Variants in ADPRHL1 observed in about 807,000 individuals in gnomAD.
The protein encoded by ADPRHL1 is ADP-ribosylhydrolase like 1, also known as inactive ADP-ribosyltransferase ARH2.
A neutral mutation model predicts 44.1 loss-of-function variants in ADPRHL1; 43 were observed. The ratio of observed to expected loss-of-function variants is 0.98; its 90% CI spans 0.76 to 1.26. ADPRHL1 has a LOEUF of 1.26. Ranked by LOEUF, ADPRHL1 falls within the 50% of genes most tolerant of loss-of-function variation. The probability of loss-of-function intolerance (pLI) is 0.00; values close to 1 mark genes in which losing one functional copy is unlikely to be tolerated. For missense variants in ADPRHL1, 2,022 were observed against 2,496.9 expected, an observed-to-expected ratio of 0.81 and a Z score of 4.05; for synonymous variants, 878 against 1,017.4, an observed-to-expected ratio of 0.86 and a Z score of 2.61.
Position 113,406,675 on chromosome 13 carries a change from T to C in ADPRHL1, c.2607A>G (p.Lys869=). 2 of 1,086,488 alleles carry C rather than the reference T, an allele frequency of 1.8e-6. No homozygotes were observed. The allele number at this position is 1,086,488 out of a possible 1,614,324, so 67.3% of individuals were successfully genotyped here. A position where few individuals can be genotyped will look rare whatever the true frequency, so the allele number is the denominator to read the frequency against. ...RLQNMSSGEN[K]PCICGGENVV... ...CATTCTCTCCTCCACAAATACAAGG[T>C]TTGTTTTCACCACTTGACATATTTT... Residue 869 remains lysine (K), a synonymous_variant, in exon 8 of 8, where the codon AAA becomes AAG. Transcript: ENST00000612156.
intron 7 of ADPRHL1, among the ~76,000 whole-genome samples, chr13:113,420,697 C>G (rs1380693747): frequency 6.6e-6 from 1 of 152,044 alleles, no homozygotes; most frequent in Non-Finnish European, 1.5e-5. Context: ...CACAGTTAGT[C>G]CAGTTATTCG....
Position 113,403,639 on chromosome 13 carries a change from C to G in ADPRHL1, c.5643G>C (p.Leu1881=). ...GCTTGGGCTCAGTTGGGCTCTTTCC[C>G]AGCCCCAGGGGAGAGGTGGCAATGC... The part of the protein sequence containing the change: ...GKSIATSPLG[L]GKSPTEPKPE... The change falls in exon 8 of 8, where the codon CTG becomes CTC. Residue 1881 remains leucine (L), a synonymous_variant. Transcript: ENST00000612156. 1 of 1,231,700 alleles carries G rather than the reference C, an allele frequency of 8.1e-7. No homozygotes were observed. Among genetic ancestry groups the G allele is most frequent in the Non-Finnish European group, 1.0e-6 (1 of 987,996 alleles). The allele number at this position is 1,231,700 out of a possible 1,614,324, so 76.3% of individuals were successfully genotyped here.
intron 3 of ADPRHL1, among the ~76,000 whole-genome samples, chr13:113,431,965 C>A (rs2044010467): frequency 6.6e-6 from 1 of 152,200 alleles, no homozygotes; most frequent in Non-Finnish European, 1.5e-5. Flanking sequence ...GATCCGCCTG[C>A]CTTGGCACCC....
At position 113,408,011 on chromosome 13, in the gene ADPRHL1, T is replaced by C; in HGVS notation, c.1271A>G (p.Gln424Arg). ...SHQPQTQEAT[Q>R]RPTRFQLLQA... is the part of the protein sequence containing the mutation. ...CAGGAGCTGGAAGCGCGTGGGCCGC[T>C]GGGTGGCCTCCTGGGTCTGGGGCTG... The change falls in exon 8 of 8, where the codon CAG becomes CGG. Residue 424 changes from glutamine (Q) to arginine (R), a missense_variant. By Grantham distance (43) the Gln-to-Arg change is conservative. Transcript: ENST00000612156. The C allele has an allele frequency of 8.1e-7, 1 of 1,232,848 alleles. No homozygotes were observed. Among genetic ancestry groups the C allele is most frequent in the African/African-American group, 1.5e-5 (1 of 64,560 alleles). The allele number at this position is 1,232,848 out of a possible 1,614,324, so 76.4% of individuals were successfully genotyped here. A position where few individuals can be genotyped will look rare whatever the true frequency, so the allele number is the denominator to read the frequency against.
chr13:113,424,357 G>A lies in ADPRHL1; in HGVS notation c.775-8C>T. ...GCTCCACTTCCTGTAGGTCTGACAA[G>A]AGAGCCGTGGGTCGGGGCGTGTGCC... On this transcript the variant is annotated splice_polypyrimidine_tract_variant and splice_region_variant and intron_variant, in intron 5 of 7. Transcript: ENST00000612156. The A allele has an allele frequency of 6.2e-7, 1 of 1,612,662 alleles. No homozygotes were observed. Among genetic ancestry groups the A allele is most frequent in the Non-Finnish European group, 8.5e-7 (1 of 1,179,822 alleles).
chr13:113,410,080 T>G, intron 7 of ADPRHL1: 2 of 985,416 alleles, frequency 2.0e-6, no homozygotes, highest in South Asian at 4.7e-5. Context: ...TGACAGCGGC[T>G]GACCACATGA....
chr13:113,420,583 C>A (rs1173568882), intron 7 of ADPRHL1, among the ~76,000 whole-genome samples: 1 of 152,100 alleles, frequency 6.6e-6, no homozygotes, highest in African/African-American at 2.4e-5. Flanking sequence ...TTTCCCCACA[C>A]CCACGGGTGC....
At position 113,403,168 on chromosome 13, in the gene ADPRHL1, G is replaced by A; in HGVS notation, c.*210C>T. 1 of 396,412 alleles carries A rather than the reference G, an allele frequency of 2.5e-6. No individual in the cohort carries two copies. The highest frequency in any genetic ancestry group is 4.3e-6 in the Non-Finnish European group (1 of 230,868). The allele number at this position is 396,412 out of a possible 1,614,324, so 24.6% of individuals were successfully genotyped here. A position where few individuals can be genotyped will look rare whatever the true frequency, so the allele number is the denominator to read the frequency against. ...ACAGGCCCGCACCTCCCACCCCCAT[G>A]GCCTCGTGGCTCTGTGGGGTGACAG... On this transcript the variant is annotated 3_prime_UTR_variant, in exon 8 of 8. Coordinates refer to ENST00000612156, the MANE Select transcript of ADPRHL1 (RefSeq NM_001394807.1).
At chr13:113,428,669 C>T (rs1248395616) in intron 4 of ADPRHL1, among the ~76,000 whole-genome samples, 1 of 152,228 alleles carries the variant, frequency 6.6e-6, no homozygotes, top group Admixed American at 6.5e-5. Context: ...CTGGGGTGGA[C>T]GGGGACGGGT....
At chr13:113,410,759 G>A (rs1480704089) in intron 7 of ADPRHL1, among the ~76,000 whole-genome samples, 1 of 152,230 alleles carries the variant, frequency 6.6e-6, no homozygotes, top group Non-Finnish European at 1.5e-5. Flanking sequence ...GATGGGGAGG[G>A]CAGAGGAGCA....
intron 3 of ADPRHL1, among the ~76,000 whole-genome samples, chr13:113,430,524 G>A (rs2043999232): frequency 6.6e-6 from 1 of 152,196 alleles, no homozygotes; most frequent in African/African-American, 2.4e-5. Context: ...CAACAATGGT[G>A]GTGGTACTCG....
Position 113,405,943 on chromosome 13 carries a change from C to T in ADPRHL1, c.3339G>A (p.Ala1113=), listed in dbSNP as rs942854148. 39 of 1,231,938 alleles carry T rather than the reference C, an allele frequency of 3.2e-5. No individual in the cohort carries two copies. In the East Asian group the frequency reaches 6.3e-4, roughly 20 times the overall value. 76.3% of individuals were successfully genotyped at this position (1,231,938 alleles called of 1,614,324 possible). Residue 1113 remains alanine (A), a synonymous_variant, in exon 8 of 8, where the codon GCG becomes GCA. Coordinates refer to ENST00000612156, the MANE Select transcript of ADPRHL1 (RefSeq NM_001394807.1). ...TCGCAACGCTCCCTGCAGCTGCCAT[C>T]GCCCCACAGGCTTTCATACCTGGTT... The part of the protein sequence containing the change: ...PPKPGMKACG[A]MAAAGSVASR...
intron 7 of ADPRHL1, among the ~76,000 whole-genome samples, chr13:113,410,504 C>A (rs1200252102): frequency 1.3e-5 from 2 of 152,220 alleles, no homozygotes; most frequent in Non-Finnish European, 2.9e-5. Flanking sequence ...TCGGAACCTG[C>A]TGCAAGGCCA....
intron 1 of ADPRHL1, among the ~76,000 whole-genome samples, chr13:113,450,960 C>T (rs111464373): frequency 4.0e-5 from 6 of 151,542 alleles, no homozygotes; most frequent in Non-Finnish European, 8.8e-5. Context: ...AGACCCCCCC[C>T]CCCTTCCTGG....
At position 113,405,113 on chromosome 13, in the gene ADPRHL1, G is replaced by C; in HGVS notation, c.4169C>G (p.Pro1390Arg). The change falls in exon 8 of 8, where the codon CCC becomes CGC. Residue 1390 changes from proline to arginine, a missense_variant. Transcript: ENST00000612156. Reference sequence around the variant, plus strand: ...CCTCTTCCCCGCATCCCCGGGCTGGGGGGTCTCCTCCTGTGCCTGGTGACT... The same window carrying C: ...CCTCTTCCCCGCATCCCCGGGCTGGCGGGTCTCCTCCTGTGCCTGGTGACT... ...QQSHQAQEET[P>R]QPGDAGKRVA... The C allele has an allele frequency of 2.4e-6, 3 of 1,232,264 alleles. No homozygotes were observed. The highest frequency in any genetic ancestry group is 3.0e-6 in the Non-Finnish European group (3 of 988,376). 76.3% of individuals were successfully genotyped at this position (1,232,264 alleles called of 1,614,324 possible). A position where few individuals can be genotyped will look rare whatever the true frequency, so the allele number is the denominator to read the frequency against.
chr13:113,422,550 G>A (rs753019796), intron 7 of ADPRHL1: 6 of 466,884 alleles, frequency 1.3e-5, no homozygotes, highest in Non-Finnish European at 2.3e-5. Flanking sequence ...CCAGGAGACT[G>A]CGGGTGAGTG....
chr13:113,444,913 G>A (rs2044126424), intron 1 of ADPRHL1, among the ~76,000 whole-genome samples: 3 of 152,188 alleles, frequency 2.0e-5, no homozygotes, highest in South Asian at 2.1e-4. Flanking sequence ...GTGAGCCACT[G>A]CACCCAGCCC....
chr13:113,404,835 C>A lies in ADPRHL1; in HGVS notation c.4447G>T (p.Ala1483Ser). ...PGEPEGPGSP[A>S]AQGQAQKQVQ... is the part of the protein sequence containing the mutation. The stretch of plus-strand genomic sequence containing the variant: ...TGTTTCTGGGCCTGTCCTTGGGCTG[C>A]CGGGCTTCCCGGCCCCTCGGGCTCC... The change falls in exon 8 of 8, where the codon GCA (alanine) becomes TCA (serine). Residue 1483 changes from alanine to serine, a missense_variant. Ala to Ser is a moderately conservative substitution (Grantham distance 99, BLOSUM62 1). Around this residue, in one of 8 missense-constraint regions of ADPRHL1, gnomAD observed 1,221 missense variants for 1,517.8 expected, o/e 0.80. Coordinates refer to ENST00000612156, the MANE Select transcript of ADPRHL1 (RefSeq NM_001394807.1). 8.0e-7 allele frequency: 1 copy of A among 1,248,818 alleles called. No individual in the cohort carries two copies. Among genetic ancestry groups the A allele is most frequent in the Non-Finnish European group, 1.0e-6 (1 of 999,046 alleles). The allele number at this position is 1,248,818 out of a possible 1,614,324, so 77.4% of individuals were successfully genotyped here.
chr13:113,419,873 T>C (rs1224690819), intron 7 of ADPRHL1, among the ~76,000 whole-genome samples: 1 of 152,192 alleles, frequency 6.6e-6, no homozygotes, highest in African/African-American at 2.4e-5. Flanking sequence ...AGCACACACA[T>C]GCAGGTGTGT....
Sources: allele counts gnomAD v4.1 joint callset (sites outside exome capture counted in the v4.1 genomes callset), GRCh38; gene constraint gnomAD v4.1.1; regional missense constraint gnomAD v4.1.1; transcripts MANE v1.5; gene names NCBI Gene and HGNC (gene_info 2026-07-23, HGNC 2026-07-21).